The following WWOX variants were observed in gnomAD, a reference collection of about 807,000 sequenced individuals.
WWOX encodes the protein WW domain-containing oxidoreductase.
Under a neutral mutation model 46.2 loss-of-function variants are expected in WWOX, and 69 were observed. That is an observed-to-expected ratio of 1.49 (90% CI 1.23 to 1.82). The LOEUF (loss-of-function observed/expected upper bound fraction) is 1.82. Among genes scored for constraint, WWOX ranks in the 40% most tolerant of loss-of-function variants. WWOX has a pLI of 0.00. For missense variants in WWOX, 919 were observed against 542.6 expected, an observed-to-expected ratio of 1.69 and a Z score of -6.89; for synonymous variants, 359 against 202.6, an observed-to-expected ratio of 1.77 and a Z score of -6.56.
chr16:79,069,697 A>C (rs986117196), intron 8 of WWOX, among the ~76,000 whole-genome samples: 2 of 152,322 alleles, frequency 1.3e-5, no homozygotes, highest in African/African-American at 4.8e-5. Flanking sequence ...AGAAAGTAGC[A>C]GTCAATTAAA....
intron 8 of WWOX, among the ~76,000 whole-genome samples, chr16:78,523,127 A>G (rs1271880894): frequency 2.0e-5 from 3 of 152,220 alleles, no homozygotes; most frequent in Admixed American, 6.5e-5. Flanking sequence ...AGAAGAAATT[A>G]TGCTCTAAAT....
intron 8 of WWOX, among the ~76,000 whole-genome samples, chr16:79,163,746 G>T (rs2050533295): frequency 6.9e-6 from 1 of 145,396 alleles, no homozygotes; most frequent in Admixed American, 6.9e-5. Flanking sequence ...GCAGTGAGCT[G>T]AGATCGTGCC....
intron 8 of WWOX, among the ~76,000 whole-genome samples, chr16:78,617,500 CTT>C (rs2046056182): frequency 6.6e-6 from 1 of 151,900 alleles, no homozygotes; most frequent in Non-Finnish European, 1.5e-5. Context: ...AGTGCAGTGA[CTT>C]TGCCGAGCAC....
At chr16:79,094,721 T>A (rs2049034775) in intron 8 of WWOX, among the ~76,000 whole-genome samples, 1 of 152,166 alleles carries the variant, frequency 6.6e-6, no homozygotes, top group East Asian at 1.9e-4. Context: ...AGTGACCATC[T>A]GAAGATAAAC....
chr16:79,161,700 G>A (rs1597433905), intron 8 of WWOX, among the ~76,000 whole-genome samples: 1 of 152,084 alleles, frequency 6.6e-6, no homozygotes, highest in African/African-American at 2.4e-5. Context: ...TGTATTTTTA[G>A]TAGAGATGGG....
intron 5 of WWOX, among the ~76,000 whole-genome samples, chr16:78,376,862 T>A (rs2081841479): frequency 6.6e-6 from 1 of 152,190 alleles, no homozygotes; most frequent in East Asian, 1.9e-4. Flanking sequence ...ACCATCTCCC[T>A]CCATTTGAGG....
intron 8 of WWOX, among the ~76,000 whole-genome samples, chr16:78,624,753 G>A (rs1486262125): frequency 6.6e-6 from 1 of 152,156 alleles, no homozygotes; most frequent in Non-Finnish European, 1.5e-5. Flanking sequence ...ACCCTGGCTG[G>A]AAATTATTTA....
intron 8 of WWOX, among the ~76,000 whole-genome samples, chr16:78,962,431 T>A (rs560939994): frequency 6.6e-6 from 1 of 151,184 alleles, no homozygotes; most frequent in East Asian, 2.0e-4. Flanking sequence ...ATTCATAATT[T>A]CCTTGTAGGC....
At chr16:79,058,526 A>G (rs1024907250) in intron 8 of WWOX, among the ~76,000 whole-genome samples, 2 of 152,142 alleles carry the variant, frequency 1.3e-5, no homozygotes, top group Non-Finnish European at 2.9e-5. Flanking sequence ...AGGAGGGAGG[A>G]GGCAAGTATA....
chr16:78,302,817 TGC>T (rs1301824129), intron 5 of WWOX, among the ~76,000 whole-genome samples: 1 of 152,236 alleles, frequency 6.6e-6, no homozygotes, highest in East Asian at 1.9e-4. Flanking sequence ...TTAGGTATTA[TGC>T]AATTTGCCAG....
intron 8 of WWOX, among the ~76,000 whole-genome samples, chr16:78,601,083 G>A (rs958692436): frequency 5.9e-5 from 9 of 152,154 alleles, no homozygotes; most frequent in Non-Finnish European, 2.9e-5. Context: ...GATTTTATGT[G>A]TCAGGCCTTC....
intron 8 of WWOX, among the ~76,000 whole-genome samples, chr16:78,514,005 G>C (rs933808199): frequency 6.6e-6 from 1 of 151,312 alleles, no homozygotes; most frequent in South Asian, 2.1e-4. Context: ...ACAGTGTTGC[G>C]AAAGAATAGT....
intron 8 of WWOX, among the ~76,000 whole-genome samples, chr16:78,486,935 A>G (rs945874040): frequency 1.3e-5 from 2 of 152,188 alleles, no homozygotes; most frequent in Admixed American, 1.3e-4. Context: ...TTCCTAATGC[A>G]GGCTCATTCC....
chr16:78,138,334 C>T (rs2033870786), intron 4 of WWOX, among the ~76,000 whole-genome samples: 1 of 150,784 alleles, frequency 6.6e-6, no homozygotes, highest in African/African-American at 2.4e-5. Context: ...ATATTTAAAA[C>T]ATGTAACTGA....
chr16:78,532,716 T>G (rs545581555), intron 8 of WWOX, among the ~76,000 whole-genome samples: 24 of 152,180 alleles, frequency 1.6e-4, no homozygotes, highest in African/African-American at 5.8e-4. Context: ...AAGAAAGAAC[T>G]TGTGTAGGGA....
At chr16:78,939,108 C>A (rs985497209) in intron 8 of WWOX, among the ~76,000 whole-genome samples, 1 of 152,196 alleles carries the variant, frequency 6.6e-6, no homozygotes, top group Non-Finnish European at 1.5e-5. Flanking sequence ...AGTGGCCCCG[C>A]TGGATTTTCT....
At chr16:78,677,956 G>A (rs147796535) in intron 8 of WWOX, among the ~76,000 whole-genome samples, 2 of 152,070 alleles carry the variant, frequency 1.3e-5, no homozygotes, top group Non-Finnish European at 2.9e-5. Context: ...TCCTTTTCAG[G>A]GATGACATCC....
At chr16:79,099,211 C>G (rs894169478) in intron 8 of WWOX, among the ~76,000 whole-genome samples, 1 of 152,276 alleles carries the variant, frequency 6.6e-6, no homozygotes, top group African/African-American at 2.4e-5. Flanking sequence ...GTCCCCATGA[C>G]CCAAACACCT....
chr16:78,391,995 C>CTT (rs68032135), intron 6 of WWOX, among the ~76,000 whole-genome samples: 2 of 144,968 alleles, frequency 1.4e-5, no homozygotes, highest in Non-Finnish European at 1.5e-5. Flanking sequence ...GTTTTGTCTC[C>CTT]TTTTTTTTTT....
Sources: allele counts gnomAD v4.1 joint callset (sites outside exome capture counted in the v4.1 genomes callset), GRCh38; gene constraint gnomAD v4.1.1; transcripts MANE v1.5; gene names NCBI Gene and HGNC (gene_info 2026-07-23, HGNC 2026-07-21).